GRM1: variants seen among roughly 807,000 people sequenced by gnomAD.
GRM1 encodes the protein glutamate metabotropic receptor 1.
In GRM1, 33 loss-of-function variants were observed where a neutral mutation model predicts 90.9. The ratio of observed to expected loss-of-function variants is 0.36; its 90% CI spans 0.28 to 0.49. GRM1 has a LOEUF of 0.49. Among genes scored for constraint, GRM1 ranks in the 20% least tolerant of loss-of-function variants. The pLI, the probability that GRM1 is intolerant of heterozygous loss-of-function variation, is 0.99. For synonymous variants in GRM1, 700 were observed against 613.2 expected, an observed-to-expected ratio of 1.14 and a Z score of -2.09; for missense variants, 1,190 against 1,534.3, an observed-to-expected ratio of 0.78 and a Z score of 3.75.
At chr6:146,160,431 G>A (rs1295033705) in intron 2 of GRM1, among the ~76,000 whole-genome samples, 1 of 152,080 alleles carries the variant, frequency 6.6e-6, no homozygotes, top group Non-Finnish European at 1.5e-5. Flanking sequence ...TGTTTAATTT[G>A]CCAGCTTCTA....
chr6:146,433,808 C>G, intron 7 of GRM1, 64 bp from the exon 8 acceptor site: 2 of 1,186,838 alleles, frequency 1.7e-6, no homozygotes, highest in South Asian at 2.5e-5. Context: ...CATATGTTTT[C>G]TATGTATTTT....
intron 1 of GRM1, among the ~76,000 whole-genome samples, chr6:146,046,657 G>C (rs1290225804): frequency 1.3e-5 from 2 of 152,006 alleles, no homozygotes; most frequent in African/African-American, 2.4e-5. Flanking sequence ...CCAGGCATCA[G>C]ATATTAAAAA....
At chr6:146,071,305 C>T (rs17075640) in intron 1 of GRM1, among the ~76,000 whole-genome samples, 6,888 of 152,190 alleles carry the variant, frequency 0.045, 235 homozygotes, top group East Asian at 0.16. Flanking sequence ...GGTTGCTACC[C>T]GCGGCCTGCA....
chr6:146,202,837 T>C (rs2114619162), intron 2 of GRM1, among the ~76,000 whole-genome samples: 1 of 152,328 alleles, frequency 6.6e-6, no homozygotes, highest in South Asian at 2.1e-4. Context: ...TCGAAGGCTC[T>C]ACCTCAGTGA....
intron 5 of GRM1, among the ~76,000 whole-genome samples, chr6:146,377,514 T>C (rs1397696110): frequency 2.0e-5 from 3 of 152,050 alleles, no homozygotes; most frequent in Non-Finnish European, 1.5e-5. Context: ...ACTTAGGGTA[T>C]CTGATGGAAG....
intron 2 of GRM1, among the ~76,000 whole-genome samples, chr6:146,286,456 A>G (rs1299722600): frequency 6.6e-6 from 1 of 152,222 alleles, no homozygotes; most frequent in East Asian, 1.9e-4. Context: ...GGATTTAGAT[A>G]GATTGCTAAA....
chr6:146,191,597 G>A (rs1393611128), intron 2 of GRM1, among the ~76,000 whole-genome samples: 2 of 152,178 alleles, frequency 1.3e-5, no homozygotes, highest in Non-Finnish European at 2.9e-5. Flanking sequence ...ACACTTGACA[G>A]TTTTACCTAA....
intron 7 of GRM1, among the ~76,000 whole-genome samples, chr6:146,413,128 T>C (rs1172163694): frequency 6.6e-6 from 1 of 152,170 alleles, no homozygotes; most frequent in Non-Finnish European, 1.5e-5. Context: ...ACAATCTTTA[T>C]CTCAAAAGCC....
chr6:146,086,848 TG>T (rs1340496008), intron 1 of GRM1, among the ~76,000 whole-genome samples: 1 of 152,066 alleles, frequency 6.6e-6, no homozygotes, highest in East Asian at 1.9e-4. Flanking sequence ...ATCCCAAGTA[TG>T]TCTAGCCTCG....
intron 2 of GRM1, among the ~76,000 whole-genome samples, chr6:146,239,927 C>T (rs1167901934): frequency 6.6e-6 from 1 of 152,040 alleles, no homozygotes; most frequent in Non-Finnish European, 1.5e-5. Context: ...GAGTGAGAAC[C>T]ACGAGGTCAT....
chr6:146,183,231 C>T (rs1307580814), intron 2 of GRM1, among the ~76,000 whole-genome samples: 1 of 152,194 alleles, frequency 6.6e-6, no homozygotes, highest in Non-Finnish European at 1.5e-5. Flanking sequence ...GAAAGTTCTA[C>T]ATATTCATCA....
chr6:146,070,306 A>G (rs1365512998), intron 1 of GRM1, among the ~76,000 whole-genome samples: 1 of 152,130 alleles, frequency 6.6e-6, no homozygotes, highest in Non-Finnish European at 1.5e-5. Context: ...TTACATTAGG[A>G]AAAAAACTGG....
chr6:146,336,719 T>C (rs567915377), intron 3 of GRM1, among the ~76,000 whole-genome samples: 2 of 152,328 alleles, frequency 1.3e-5, no homozygotes, highest in East Asian at 3.9e-4. Context: ...TTTCCCTTTC[T>C]CCAGTATTGG....
At position 146,052,297 on chromosome 6, in the gene GRM1, T is replaced by G. The variant is rs116889603; in HGVS notation, c.700+22080T>G. On this transcript the variant is annotated intron_variant, in intron 1 of 7. Coordinates refer to ENST00000282753, the MANE Select transcript of GRM1 (RefSeq NM_001278064.2). ...ATAAATTCAGCCTCTCTGTTGTTTA[T>G]AACTTAAGTTTTTATTTTTTAATTT... 1.9e-3 allele frequency among the ~76,000 whole-genome samples: 290 copies of G among 152,168 alleles called. 5 individuals are homozygous for G. The East Asian group carries it at 0.037, about 20-fold the overall frequency.
Position 146,399,403 on chromosome 6 carries a change from G to A in GRM1, c.2364G>A (p.Ala788=), listed in dbSNP as rs114187147. Residue 788 remains alanine (A), a synonymous_variant, in exon 7 of 8, where the codon GCG becomes GCA. Transcript: ENST00000282753. The surrounding 1 kb of genome is among the most constrained non-coding windows in gnomAD (Gnocchi z 5.4). ...ACTTCAACGAGGCCAAATATATCGCGTTCACCATGTACACCACCTGTATCA... is the reference window on the plus strand; with the variant it reads ...ACTTCAACGAGGCCAAATATATCGCATTCACCATGTACACCACCTGTATCA... The part of the protein sequence containing the change: ...PANFNEAKYI[A]FTMYTTCIIW... 3.0e-5 allele frequency: 48 copies of A among 1,614,090 alleles called. No homozygotes were observed. The highest frequency in any genetic ancestry group is 1.6e-4 in the Middle Eastern group (1 of 6,062).
chr6:146,171,198 AG>A (rs1778110208), intron 2 of GRM1: 1 of 152,242 alleles, frequency 6.6e-6, no homozygotes, highest in South Asian at 2.1e-4. Context: ...AAGGTTGCAG[AG>A]GAAGTATGTA....
chr6:146,353,354 A>C (rs1262608050), intron 4 of GRM1, among the ~76,000 whole-genome samples: 1 of 152,200 alleles, frequency 6.6e-6, no homozygotes, highest in Non-Finnish European at 1.5e-5. Context: ...AGGCCCTGTC[A>C]CCTGTCAGTC....
chr6:146,045,358 T>C, intron 1 of GRM1, among the ~76,000 whole-genome samples: 1 of 152,034 alleles, frequency 6.6e-6, no homozygotes, highest in East Asian at 1.9e-4. Flanking sequence ...TAGAATACTT[T>C]GCCCCCAAAA....
chr6:146,133,154 C>T (rs1450281345), intron 1 of GRM1, among the ~76,000 whole-genome samples: 2 of 152,134 alleles, frequency 1.3e-5, no homozygotes, highest in African/African-American at 2.4e-5. Flanking sequence ...TCAACAATAC[C>T]TATGTGGTTC....
Sources: gnomAD v4.1 joint callset for allele counts (sites outside exome capture counted in the v4.1 genomes callset) on GRCh38, gnomAD v4.1.1 for gene constraint, Gnocchi (gnomAD v3.1) non-coding constraint, MANE v1.5 for transcripts, NCBI Gene and HGNC (gene_info 2026-07-23, HGNC 2026-07-21) for gene names.